DPP4: variants seen among roughly 807,000 people sequenced by gnomAD.
DPP4 encodes the protein ADCP-2.
DPP4 carries 93 observed loss-of-function variants against 122.4 expected under a neutral mutation model. That is an observed-to-expected ratio of 0.76 (90% CI 0.64 to 0.90). DPP4 has a LOEUF of 0.90. Ranked by LOEUF, DPP4 falls within the 40% of genes least tolerant of loss-of-function variation. DPP4 has a pLI of 0.00. For missense variants in DPP4, 914 were observed against 907.3 expected, an observed-to-expected ratio of 1.01 and a Z score of -0.09; for synonymous variants, 321 against 302.9, an observed-to-expected ratio of 1.06 and a Z score of -0.62.
intron 10 of DPP4, among the ~76,000 whole-genome samples, chr2:162,026,691 G>A (rs866623655): frequency 1.1e-4 from 16 of 152,178 alleles, no homozygotes; most frequent in Non-Finnish European, 1.3e-4. Flanking sequence ...TTTCCATGCC[G>A]GGAAACAGAG....
At position 162,055,046 on chromosome 2, in the gene DPP4, G is replaced by A. The variant is rs997668324; in HGVS notation, c.95-7545C>T. Among the ~76,000 whole-genome samples the A allele has an allele frequency of 5.9e-5, 9 of 152,254 alleles. No homozygotes were observed. The East Asian group carries it at 7.7e-4, about 13-fold the overall frequency. On this transcript the variant is annotated intron_variant, in intron 2 of 25. Coordinates refer to ENST00000360534, the MANE Select transcript of DPP4 (RefSeq NM_001935.4). ...GAGTCTTTCCTCTGAAGCACCTAAC[G>A]GTGAGATTAAGAATTTAACTGCAAT...
intron 20 of DPP4, among the ~76,000 whole-genome samples, chr2:162,011,324 C>G (rs1373704438): frequency 6.6e-6 from 1 of 152,080 alleles, no homozygotes; most frequent in East Asian, 1.9e-4. Context: ...AGCAGAGTCA[C>G]CCTCATCCAG....
At chr2:162,073,830 G>T in intron 1 of DPP4, 146 bp downstream of exon 1, 1 of 1,099,020 alleles carries the variant, frequency 9.1e-7, no homozygotes, top group Non-Finnish European at 1.3e-6. Flanking sequence ...GCTCTGGGAC[G>T]TCCCTTCACC....
chr2:162,029,524 C>T (rs772751145), intron 10 of DPP4, among the ~76,000 whole-genome samples: 4 of 152,202 alleles, frequency 2.6e-5, no homozygotes, highest in Non-Finnish European at 4.4e-5. Flanking sequence ...CCCGTACACC[C>T]GCACAGTCGT....
At chr2:162,031,018 T>C (rs1393700465) in intron 10 of DPP4, among the ~76,000 whole-genome samples, 1 of 152,214 alleles carries the variant, frequency 6.6e-6, no homozygotes, top group East Asian at 1.9e-4. Flanking sequence ...GGGAAAGACT[T>C]CGTCTCTTTG....
At chr2:162,014,489 A>T in intron 18 of DPP4, 24 bp from the exon 19 acceptor site, 7 of 1,557,258 alleles carry the variant, frequency 4.5e-6, no homozygotes, top group Non-Finnish European at 5.3e-6. Context: ...AAGATTAATT[A>T]GTGAGGTAAG....
chr2:162,019,299 T>C, intron 14 of DPP4, 23 bp from the exon 15 acceptor site: 1 of 1,416,144 alleles, frequency 7.1e-7, no homozygotes, highest in Non-Finnish European at 9.8e-7. Flanking sequence ...AAAAATGAAA[T>C]ATATATTAAT....
chr2:162,033,691 A>AAG, intron 9 of DPP4, 38 bp from the exon 10 acceptor site: 2 of 1,413,720 alleles, frequency 1.4e-6, no homozygotes, highest in Non-Finnish European at 9.7e-7. Context: ...ATTGACAAAA[A>AAG]AAAAAAAGTA....
intron 2 of DPP4, among the ~76,000 whole-genome samples, chr2:162,048,662 C>T (rs1043832140): frequency 6.6e-6 from 1 of 152,156 alleles, no homozygotes; most frequent in Non-Finnish European, 1.5e-5. Flanking sequence ...CCCTGCTTTC[C>T]TGGTTGTCAT....
intron 23 of DPP4, among the ~76,000 whole-genome samples, chr2:162,001,190 A>G (rs1054063540): frequency 1.3e-5 from 2 of 152,202 alleles, no homozygotes; most frequent in African/African-American, 4.8e-5. Flanking sequence ...GTAAAATAGA[A>G]ACACAGTACT....
intron 22 of DPP4, 119 bp from the exon 23 acceptor site, chr2:162,005,928 A>G: frequency 1.2e-6 from 1 of 810,090 alleles, no homozygotes; most frequent in Non-Finnish European, 2.0e-6. Flanking sequence ...ATATAGAGTT[A>G]CTCTCAGAAG....
In DPP4 at chr2:162,005,940, A is replaced by C. The variant is rs1373703347; in HGVS notation, c.1988-131T>G. On this transcript the variant is annotated intron_variant, in intron 22 of 25. Transcript: ENST00000360534. The stretch of plus-strand genomic sequence containing the variant: ...GGAATATAGAGTTACTCTCAGAAGT[A>C]TCTCTATGTGGTTATGAAGAAGGAA... 6.6e-6 allele frequency: 5 copies of C among 759,778 alleles called. No individual in the cohort carries two copies. In the Admixed American group the frequency reaches 7.3e-5, roughly 11 times the overall value. 47.1% of individuals were successfully genotyped at this position (759,778 alleles called of 1,614,324 possible). A position where few individuals can be genotyped will look rare whatever the true frequency, so the allele number is the denominator to read the frequency against.
At chr2:162,063,262 T>C (rs1684843008) in intron 2 of DPP4, among the ~76,000 whole-genome samples, 1 of 152,100 alleles carries the variant, frequency 6.6e-6, no homozygotes. Flanking sequence ...TTGGAAGATG[T>C]CAGTATGAGA....
rs983563926 is a variant in DPP4, at chr2:162,007,572, C to T, written c.1987+990G>A. 4.6e-5 allele frequency among the ~76,000 whole-genome samples: 7 copies of T among 152,140 alleles called. No individual in the cohort carries two copies. In the South Asian group the frequency reaches 1.4e-3, roughly 32 times the overall value. ...TCTATGTATTAGATTGGTCTATATA[C>T]ATTAAATGAAGTTTTCTTCTCATTT... On this transcript the variant is annotated intron_variant, in intron 22 of 25. Transcript: ENST00000360534.
At chr2:162,050,368 C>T (rs763072661) in intron 2 of DPP4, among the ~76,000 whole-genome samples, 1 of 152,194 alleles carries the variant, frequency 6.6e-6, no homozygotes, top group Non-Finnish European at 1.5e-5. Context: ...ACAATCCTCA[C>T]ATCTGTGAGC....
At chr2:162,057,768 A>G (rs1166298030) in intron 2 of DPP4, among the ~76,000 whole-genome samples, 1 of 152,028 alleles carries the variant, frequency 6.6e-6, no homozygotes, top group Non-Finnish European at 1.5e-5. Flanking sequence ...CTGCTGAAAT[A>G]TCTAGTGTGA....
At chr2:162,017,052 G>T in intron 17 of DPP4, 56 bp downstream of exon 17, 3 of 1,561,768 alleles carry the variant, frequency 1.9e-6, no homozygotes, top group East Asian at 2.3e-5. Flanking sequence ...GTACATGTTA[G>T]ACTTATGCAA....
chr2:162,066,548 T>C (rs1257843580), intron 2 of DPP4, among the ~76,000 whole-genome samples: 1 of 152,194 alleles, frequency 6.6e-6, no homozygotes, highest in Non-Finnish European at 1.5e-5. Context: ...TTGCCTATAA[T>C]TTGCCTGCTC....
intron 17 of DPP4, 62 bp from the exon 18 acceptor site, chr2:162,016,928 G>T: frequency 6.7e-7 from 1 of 1,486,514 alleles, no homozygotes; most frequent in Non-Finnish European, 9.3e-7. Context: ...ATTATGTAGT[G>T]CAATAATGAG....
Sources: allele counts gnomAD v4.1 joint callset (sites outside exome capture counted in the v4.1 genomes callset), GRCh38; gene constraint gnomAD v4.1.1; transcripts MANE v1.5; gene names NCBI Gene and HGNC (gene_info 2026-07-23, HGNC 2026-07-21).